Variants in RBM20 observed in about 807,000 individuals in gnomAD.
RBM20 encodes the protein RNA binding motif protein 20, also known as RNA-binding protein 20.
A neutral mutation model predicts 110.1 loss-of-function variants in RBM20; 51 were observed. The observed-to-expected ratio is 0.46, with a 90% CI of 0.37 to 0.59. The LOEUF (loss-of-function observed/expected upper bound fraction) is 0.59, where lower values mean the gene tolerates loss of function less well. Ranked by LOEUF, RBM20 falls within the 20% of genes least tolerant of loss-of-function variation. The pLI, the probability that RBM20 is intolerant of heterozygous loss-of-function variation, is 0.00. For missense variants in RBM20, 1,512 were observed against 1,574.9 expected, an observed-to-expected ratio of 0.96 and a Z score of 0.68; for synonymous variants, 589 against 618.2, an observed-to-expected ratio of 0.95 and a Z score of 0.70.
chr10:110,722,212 A>G lies in RBM20; in HGVS notation c.192-58589A>G, dbSNP rs139600478. Among the ~76,000 whole-genome samples the G allele has an allele frequency of 2.9e-3, 435 of 152,302 alleles. 6 individuals are homozygous for G. Among genetic ancestry groups the G allele is most frequent in the African/African-American group, 9.7e-3 (402 of 41,574 alleles). On this transcript the variant is annotated intron_variant, in intron 1 of 13. Transcript: ENST00000369519. ...TTTGAAATGATTAATGGGAAGATGT[A>G]TTTCAAGAACAACAGCAGGCATTTT...
chr10:110,760,207 G>A (rs140606085), intron 1 of RBM20, among the ~76,000 whole-genome samples: 10 of 152,080 alleles, frequency 6.6e-5, no homozygotes, highest in African/African-American at 2.2e-4. Context: ...CACCTGAATC[G>A]GGTGCTTTGG....
chr10:110,764,129 A>G (rs1844046790), intron 1 of RBM20, among the ~76,000 whole-genome samples: 1 of 152,224 alleles, frequency 6.6e-6, no homozygotes, highest in Non-Finnish European at 1.5e-5. Flanking sequence ...CCACAAAAAT[A>G]AAGAAGGGCA....
chr10:110,778,141 G>A (rs752480636), intron 1 of RBM20, among the ~76,000 whole-genome samples: 3 of 152,158 alleles, frequency 2.0e-5, no homozygotes, highest in South Asian at 2.1e-4. Context: ...CAACCAGCCC[G>A]GCTCCCCAAA....
At position 110,838,733 on chromosome 10, in the gene RBM20, T is replaced by C. The variant is rs551467632; in HGVS notation, c.*2755T>C. ...CTCTCTTGTGATAGACTGGCCTTCATATTGGAGAGCTAGGGAGAGCCCCTG... is the reference window on the plus strand; with the variant it reads ...CTCTCTTGTGATAGACTGGCCTTCACATTGGAGAGCTAGGGAGAGCCCCTG... On this transcript the variant is annotated 3_prime_UTR_variant, in exon 14 of 14. Transcript: ENST00000369519. 6.7e-6 allele frequency: 1 copy of C among 150,228 alleles called. No individual in the cohort carries two copies. The highest frequency in any genetic ancestry group is 2.0e-4 in the East Asian group (1 of 4,978). 9.3% of individuals were successfully genotyped at this position (150,228 alleles called of 1,614,324 possible). A position where few individuals can be genotyped will look rare whatever the true frequency, so the allele number is the denominator to read the frequency against.
intron 1 of RBM20, among the ~76,000 whole-genome samples, chr10:110,660,369 A>G (rs1055036928): frequency 5.9e-5 from 9 of 151,992 alleles, no homozygotes; most frequent in African/African-American, 1.9e-4. Flanking sequence ...AGGCTGTCTT[A>G]TTTTGCTTTA....
chr10:110,815,352 G>A (rs942740673), intron 9 of RBM20, among the ~76,000 whole-genome samples: 4 of 152,178 alleles, frequency 2.6e-5, no homozygotes, highest in Admixed American at 6.5e-5. Flanking sequence ...AGTCTGCCAC[G>A]ATTTTTCCTA....
At chr10:110,817,675 G>A (rs1382204609) in intron 9 of RBM20, among the ~76,000 whole-genome samples, 2 of 152,322 alleles carry the variant, frequency 1.3e-5, no homozygotes, top group South Asian at 2.1e-4. Flanking sequence ...ATGAAGGTAC[G>A]CAATGCTGTG....
In RBM20 at chr10:110,815,776, C is replaced by T. The variant is rs1477593473; in HGVS notation, c.2550+2829C>T. 2.0e-5 allele frequency among the ~76,000 whole-genome samples: 3 copies of T among 152,140 alleles called. No individual in the cohort carries two copies. In the East Asian group the frequency reaches 5.8e-4, roughly 29 times the overall value. On this transcript the variant is annotated intron_variant, in intron 9 of 13. Transcript: ENST00000369519. ...TGACACTATGTGTCAGCCAAAGAGCCCCTGATGGAAAAAGAATCTCAGAAA... is the reference window on the plus strand; with the variant it reads ...TGACACTATGTGTCAGCCAAAGAGCTCCTGATGGAAAAAGAATCTCAGAAA...
At position 110,821,934 on chromosome 10, in the gene RBM20, G is replaced by T; in HGVS notation, c.3315G>T (p.Pro1105=). Residue 1105 remains proline, a splice_region_variant and synonymous_variant, in exon 11 of 14, where the codon CCG becomes CCT. Coordinates refer to ENST00000369519, the MANE Select transcript of RBM20 (RefSeq NM_001134363.3). ...AAGCTTGCCAAGAAGTGTTGACCCCGGGTAACTATCTCCCCTTTCCTCACG... is the reference window on the plus strand; with the variant it reads ...AAGCTTGCCAAGAAGTGTTGACCCCTGGTAACTATCTCCCCTTTCCTCACG... ...QNQACQEVLT[P]ENSRYVEMKS... 6.4e-7 allele frequency: 1 copy of T among 1,551,636 alleles called. No individual in the cohort carries two copies.
In RBM20 at chr10:110,691,526, C is replaced by T. The variant is rs531762433; in HGVS notation, c.191+46881C>T. ...GTTTTGATTTGCATTGCTCTAATGA[C>T]CAATGAGGTTGAGCATCTTTTCATG... On this transcript the variant is annotated intron_variant, in intron 1 of 13. Transcript: ENST00000369519. Among the ~76,000 whole-genome samples, 4 of 152,266 alleles carry T rather than the reference C, an allele frequency of 2.6e-5. No homozygotes were observed. In the South Asian group the frequency reaches 8.3e-4, roughly 32 times the overall value.
chr10:110,643,546 A>G (rs1210877207), upstream of RBM20, among the ~76,000 whole-genome samples: 2 of 152,208 alleles, frequency 1.3e-5, no homozygotes, highest in African/African-American at 2.4e-5. Flanking sequence ...TTCATCCTTT[A>G]CATTTCCACG....
intron 1 of RBM20, among the ~76,000 whole-genome samples, chr10:110,736,635 C>A (rs867018056): frequency 1.3e-4 from 19 of 146,506 alleles, no homozygotes; most frequent in African/African-American, 4.4e-4. Context: ...ATGCCTGGAG[C>A]AGTGGAGGCT....
intron 1 of RBM20, among the ~76,000 whole-genome samples, chr10:110,658,405 C>T (rs1253657912): frequency 1.3e-5 from 2 of 152,172 alleles, no homozygotes; most frequent in Non-Finnish European, 2.9e-5. Flanking sequence ...CCCAGTTAAT[C>T]CTCCAACAAC....
At chr10:110,740,204 A>G (rs148068823) in intron 1 of RBM20, among the ~76,000 whole-genome samples, 8 of 152,170 alleles carry the variant, frequency 5.3e-5, no homozygotes, top group African/African-American at 1.7e-4. Context: ...TGGCTTGGGT[A>G]TGTGTTTGAT....
chr10:110,679,513 G>A (rs1185090421), intron 1 of RBM20, among the ~76,000 whole-genome samples: 2 of 152,172 alleles, frequency 1.3e-5, no homozygotes, highest in African/African-American at 4.8e-5. Context: ...GAGCCACCGT[G>A]CCCAGCCTCT....
In RBM20 at chr10:110,783,523, A is replaced by C. The variant is rs1005210269; in HGVS notation, c.1337+96A>C. On this transcript the variant is annotated intron_variant, in intron 3 of 13. Coordinates refer to ENST00000369519, the MANE Select transcript of RBM20 (RefSeq NM_001134363.3). ...CACACGCTGTTTTGAGTCCTGGGGC[A>C]ATAGCAGAGACCAGAACAGGCAAAG... The C allele has an allele frequency of 4.0e-5, 38 of 954,036 alleles. 1 individual carries two copies. Among genetic ancestry groups the C allele is most frequent in the Non-Finnish European group, 5.6e-5 (35 of 622,318 alleles). The allele number at this position is 954,036 out of a possible 1,614,324, so 59.1% of individuals were successfully genotyped here. A position where few individuals can be genotyped will look rare whatever the true frequency, so the allele number is the denominator to read the frequency against.
intron 1 of RBM20, among the ~76,000 whole-genome samples, chr10:110,651,067 T>C (rs1232554755): frequency 1.3e-5 from 2 of 152,196 alleles, no homozygotes; most frequent in African/African-American, 4.8e-5. Context: ...ACCTTTCTAA[T>C]CTAGCCTCTC....
At chr10:110,645,873 T>A (rs892250211) in intron 1 of RBM20, among the ~76,000 whole-genome samples, 2 of 149,516 alleles carry the variant, frequency 1.3e-5, no homozygotes, top group Non-Finnish European at 3.0e-5. Flanking sequence ...CTACAAACAG[T>A]TTCCAACTAT....
intron 13 of RBM20, among the ~76,000 whole-genome samples, chr10:110,833,942 C>T (rs1845091032): frequency 6.6e-6 from 1 of 152,206 alleles, no homozygotes; most frequent in Admixed American, 6.5e-5. Flanking sequence ...TAATGGCTGA[C>T]ACTTAAATCA....
Sources: allele counts gnomAD v4.1 joint callset (sites outside exome capture counted in the v4.1 genomes callset), GRCh38; gene constraint gnomAD v4.1.1; transcripts MANE v1.5; gene names NCBI Gene and HGNC (gene_info 2026-07-23, HGNC 2026-07-21).